Variants in RGS6 observed in about 807,000 individuals in gnomAD.
RGS6 encodes regulator of G-protein signaling 6.
Under a neutral mutation model 78.5 loss-of-function variants are expected in RGS6, and 30 were observed. That is an observed-to-expected ratio of 0.38 (90% confidence interval 0.29 to 0.52). RGS6 has a LOEUF of 0.52. RGS6 is among the 20% of genes least tolerant of loss of function. The pLI is 0.85. For synonymous variants in RGS6, 206 were observed against 206.0 expected (o/e 1.00, Z 0.00); for missense variants, 495 against 609.7 (o/e 0.81, Z 1.98).
chr14:72,095,753 A>G (rs912488813), intron 2 of RGS6, among the ~76,000 whole-genome samples: 6 of 152,270 alleles, frequency 3.9e-5, no homozygotes, highest in Non-Finnish European at 7.3e-5. Context: ...AGCAGCAAAT[A>G]TAAAAATGAA....
intron 2 of RGS6, among the ~76,000 whole-genome samples, chr14:72,243,474 G>T (rs983044288): frequency 6.6e-6 from 1 of 152,128 alleles, no homozygotes; most frequent in Non-Finnish European, 1.5e-5. Context: ...CAAAACAAAG[G>T]CTCATTATAC....
At chr14:72,002,221 A>T (rs1224552454) in intron 2 of RGS6, among the ~76,000 whole-genome samples, 1 of 152,076 alleles carries the variant, frequency 6.6e-6, no homozygotes, top group Non-Finnish European at 1.5e-5. Flanking sequence ...CTTTCTGCCT[A>T]TTGAGAGATA....
At chr14:72,611,316 A>C in the RGS6 span, among the ~76,000 whole-genome samples, 2 of 152,256 alleles carry the variant, frequency 1.3e-5, no homozygotes, top group African/African-American at 4.8e-5. Context: ...CTGTCAACAC[A>C]AACAACTGAG....
the RGS6 span, among the ~76,000 whole-genome samples, chr14:71,886,967 T>C: frequency 6.6e-6 from 1 of 152,112 alleles, no homozygotes; most frequent in Non-Finnish European, 1.5e-5. Flanking sequence ...CTGGCCAACA[T>C]GGTGAAACCC....
chr14:72,570,246 T>G (rs988104499), downstream of RGS6, among the ~76,000 whole-genome samples: 6 of 152,332 alleles, frequency 3.9e-5, no homozygotes, highest in African/African-American at 1.4e-4. Flanking sequence ...GTAAAGTATA[T>G]AGGAGGATGT....
intron 3 of RGS6, among the ~76,000 whole-genome samples, chr14:72,392,106 T>C (rs1416448412): frequency 6.6e-6 from 1 of 152,112 alleles, no homozygotes; most frequent in Non-Finnish European, 1.5e-5. Flanking sequence ...GTAGCCTCTG[T>C]CTCCTAGGTT....
intron 17 of RGS6, chr14:72,541,578 A>G (rs2097327772): frequency 3.9e-6 from 6 of 1,535,696 alleles, no homozygotes; most frequent in South Asian, 1.2e-5. Context: ...GTCAGAGTCA[A>G]GGCTTCTGGG....
chr14:72,439,529 G>A (rs1432337433), intron 3 of RGS6, among the ~76,000 whole-genome samples: 2 of 152,218 alleles, frequency 1.3e-5, no homozygotes, highest in Non-Finnish European at 2.9e-5. Context: ...CTCTTTGGAA[G>A]CAAAGTGTGC....
chr14:72,077,548 G>A (rs1220266128), intron 2 of RGS6, among the ~76,000 whole-genome samples: 1 of 152,078 alleles, frequency 6.6e-6, no homozygotes, highest in Admixed American at 6.5e-5. Flanking sequence ...ATGTTGAAAT[G>A]TCACTTTTAA....
At position 72,541,584 on chromosome 14, in the gene RGS6, C is replaced by A. The variant is rs989679481; in HGVS notation, c.1422+1490C>A. The A allele has an allele frequency of 5.9e-6, 9 of 1,535,582 alleles. No individual in the cohort carries two copies. The Admixed American group carries it at 1.2e-4, about 20-fold the overall frequency. On this transcript the variant is annotated intron_variant, in intron 17 of 17. Coordinates refer to ENST00000553525, the MANE Select transcript of RGS6 (RefSeq NM_001204424.2). ...CCACGGGCTGTCAGAGTCAAGGCTT[C>A]TGGGACTTCCTTCACTCCATGATGG...
the RGS6 span, chr14:72,619,223 A>G: frequency 7.1e-7 from 1 of 1,417,812 alleles, no homozygotes; most frequent in Non-Finnish European, 9.5e-7. Context: ...ATGTGGGAGG[A>G]GGGCGCGTTC....
chr14:72,605,759 C>A, the RGS6 span, among the ~76,000 whole-genome samples: 1 of 152,156 alleles, frequency 6.6e-6, no homozygotes, highest in African/African-American at 2.4e-5. Context: ...ATCAGACCCC[C>A]TTGGCAAAAG....
chr14:72,595,107 A>T, the RGS6 span: 1 of 152,084 alleles, frequency 6.6e-6, no homozygotes, highest in Non-Finnish European at 1.5e-5. Context: ...TCTAATAACC[A>T]TCTCTCTCTG....
intron 2 of RGS6, among the ~76,000 whole-genome samples, chr14:72,251,271 T>G (rs1453885751): frequency 6.6e-6 from 1 of 152,212 alleles, no homozygotes; most frequent in Non-Finnish European, 1.5e-5. Context: ...AAAGTTTGTC[T>G]GGGTATGGTC....
intron 2 of RGS6, among the ~76,000 whole-genome samples, chr14:72,037,005 G>C (rs1245620953): frequency 6.6e-6 from 1 of 152,176 alleles, no homozygotes; most frequent in East Asian, 1.9e-4. Context: ...GAACTTTCCT[G>C]TGTCTAGCTG....
chr14:72,418,855 G>A (rs912050896), intron 3 of RGS6, among the ~76,000 whole-genome samples: 8 of 152,348 alleles, frequency 5.3e-5, no homozygotes, highest in South Asian at 2.1e-4. Flanking sequence ...CAAGGCTGGC[G>A]CCTGGGCAGG....
intron 2 of RGS6, among the ~76,000 whole-genome samples, chr14:72,244,407 A>C (rs985311987): frequency 6.6e-6 from 1 of 152,088 alleles, no homozygotes; most frequent in African/African-American, 2.4e-5. Flanking sequence ...ATCATAGCCC[A>C]TTACTGTATG....
chr14:72,601,119 T>C, the RGS6 span, among the ~76,000 whole-genome samples: 1 of 151,232 alleles, frequency 6.6e-6, no homozygotes, highest in African/African-American at 2.4e-5. Context: ...GTAGACGAGG[T>C]ACAGACCAAA....
At position 72,183,344 on chromosome 14, in the gene RGS6, T is replaced by C. The variant is rs1353454190; in HGVS notation, c.85-168751T>C. 3.3e-5 allele frequency among the ~76,000 whole-genome samples: 5 copies of C among 152,214 alleles called. No homozygotes were observed. In the South Asian group the frequency reaches 1.0e-3, roughly 32 times the overall value. On this transcript the variant is annotated intron_variant, in intron 2 of 17. Coordinates refer to ENST00000553525, the MANE Select transcript of RGS6 (RefSeq NM_001204424.2). ...TCTTTTACATTCACAGTCATATATC[T>C]CTCCTGCATGTAGATCCAAGACCCA...
Sources: allele counts gnomAD v4.1 joint callset (sites outside exome capture counted in the v4.1 genomes callset), GRCh38; gene constraint gnomAD v4.1.1; transcripts MANE v1.5; gene names NCBI Gene and HGNC (gene_info 2026-07-23, HGNC 2026-07-21).